Variants in SCGB2B2 observed in about 807,000 individuals in gnomAD.
The protein encoded by SCGB2B2 is secretoglobin family 2B member 2, also known as secretoglobin-like protein.
Under a neutral mutation model 7.6 loss-of-function variants are expected in SCGB2B2, and 11 were observed. The ratio of observed to expected loss-of-function variants is 1.45; its 90% CI spans 0.91 to 2.40. The LOEUF (loss-of-function observed/expected upper bound fraction) is 2.40, where lower values mean the gene tolerates loss of function less well. Among genes scored for constraint, SCGB2B2 ranks in the 30% most tolerant of loss-of-function variants. The pLI, the probability that SCGB2B2 is intolerant of heterozygous loss-of-function variation, is 0.00. For synonymous variants in SCGB2B2, 50 were observed against 48.6 expected, an observed-to-expected ratio of 1.03 and a Z score of -0.12; for missense variants, 104 against 115.4, an observed-to-expected ratio of 0.90 and a Z score of 0.45.
At chr19:34,586,451 C>T (rs1019298241), downstream of SCGB2B2, among the ~76,000 whole-genome samples, 3 of 152,184 alleles carry the variant, frequency 2.0e-5, no homozygotes, top group Admixed American at 1.3e-4. Flanking sequence ...CCTTCCTCCT[C>T]TCTAGGCAAC....
chr19:34,663,399 C>G (rs1186549781), intron 1 of SCGB2B2, among the ~76,000 whole-genome samples: 1 of 152,088 alleles, frequency 6.6e-6, no homozygotes. Flanking sequence ...ATAAAGACAG[C>G]AATGTGGATT....
chr19:34,643,758 C>T (rs891401903), intron 1 of SCGB2B2, among the ~76,000 whole-genome samples: 2 of 151,904 alleles, frequency 1.3e-5, no homozygotes, highest in South Asian at 2.1e-4. Context: ...GAACATTAGA[C>T]AATTTCTGTT....
intron 1 of SCGB2B2, among the ~76,000 whole-genome samples, chr19:34,617,167 G>C (rs2066106779): frequency 6.6e-6 from 1 of 152,130 alleles, no homozygotes; most frequent in African/African-American, 2.4e-5. Context: ...TGGCGATGTG[G>C]GCTCTTTTTT....
At chr19:34,651,100 C>G (rs980512404) in intron 1 of SCGB2B2, among the ~76,000 whole-genome samples, 2 of 151,162 alleles carry the variant, frequency 1.3e-5, no homozygotes, top group Non-Finnish European at 2.9e-5. Flanking sequence ...GGAATGTAGC[C>G]CAACACAGTA....
chr19:34,601,358 G>T (rs911030205), intron 1 of SCGB2B2, among the ~76,000 whole-genome samples: 2 of 152,174 alleles, frequency 1.3e-5, no homozygotes, highest in African/African-American at 4.8e-5. Context: ...GAGTGTCTTT[G>T]CTGGTTTTGG....
At chr19:34,612,037 T>TTTTTTTTTTTTTTTTTTTTTTTTTTTG (rs2065946113) in intron 1 of SCGB2B2, among the ~76,000 whole-genome samples, 1 of 90,134 alleles carries the variant, frequency 1.1e-5, no homozygotes, top group East Asian at 4.4e-4. Flanking sequence ...TTTTTTTTTT[T>TTTTTTTTTTTTTTTTTTTTTTTTTTTG]TTTTTTTTTT....
intron 1 of SCGB2B2, among the ~76,000 whole-genome samples, chr19:34,661,612 G>A (rs1023716832): frequency 9.2e-5 from 14 of 152,272 alleles, no homozygotes; most frequent in East Asian, 3.9e-4. Context: ...AGAGACCAGC[G>A]ACATGAAATA....
rs570221750 is a variant in SCGB2B2 at position 34,596,249 on chromosome 19, T to C, written c.-1686A>G. 1.7e-4 allele frequency: 26 copies of C among 152,412 alleles called. No individual in the cohort carries two copies. The highest frequency in any genetic ancestry group is 5.8e-4 in the African/African-American group (24 of 41,580). 9.4% of individuals were successfully genotyped at this position (152,412 alleles called of 1,614,324 possible). A position where few individuals can be genotyped will look rare whatever the true frequency, so the allele number is the denominator to read the frequency against. On this transcript the variant is annotated 5_prime_UTR_variant, in exon 2 of 4. Coordinates refer to ENST00000601241, the MANE Select transcript of SCGB2B2 (RefSeq NM_001025591.4). Reference sequence around the variant, plus strand: ...CTGGCAGACGCTGAAGCAGGGGCTGTGGCTGAGCAGGGAGGATGGAGGCCA... The same window carrying C: ...CTGGCAGACGCTGAAGCAGGGGCTGCGGCTGAGCAGGGAGGATGGAGGCCA...
intron 1 of SCGB2B2, among the ~76,000 whole-genome samples, chr19:34,618,422 G>A (rs1419995640): frequency 6.6e-6 from 1 of 152,166 alleles, no homozygotes; most frequent in Admixed American, 6.5e-5. Flanking sequence ...GTATCAGTGT[G>A]CTTTTATTTT....
At chr19:34,597,933 G>A (rs2065508015) in intron 1 of SCGB2B2, among the ~76,000 whole-genome samples, 1 of 152,064 alleles carries the variant, frequency 6.6e-6, no homozygotes, top group Non-Finnish European at 1.5e-5. Context: ...CAAGAGCCAT[G>A]TTAGGATAGA....
intron 1 of SCGB2B2, chr19:34,635,303 G>A (rs2066645273): frequency 2.4e-5 from 7 of 287,752 alleles, no homozygotes; most frequent in South Asian, 2.3e-4. Flanking sequence ...GGTGCTGAAT[G>A]AGTGTGTGTT....
intron 1 of SCGB2B2, among the ~76,000 whole-genome samples, chr19:34,663,909 G>C (rs893581811): frequency 6.6e-6 from 1 of 152,212 alleles, no homozygotes; most frequent in East Asian, 1.9e-4. Flanking sequence ...GAAGGAGGGA[G>C]TGTGAGCTGC....
chr19:34,629,674 G>A (rs1048102985), intron 1 of SCGB2B2, among the ~76,000 whole-genome samples: 24 of 151,992 alleles, frequency 1.6e-4, no homozygotes, highest in African/African-American at 5.3e-4. Flanking sequence ...AATCAATATC[G>A]TGAAAATGGG....
At chr19:34,649,647 G>C (rs996887649) in intron 1 of SCGB2B2, among the ~76,000 whole-genome samples, 2 of 152,042 alleles carry the variant, frequency 1.3e-5, no homozygotes, top group Admixed American at 6.6e-5. Flanking sequence ...TCAGGAGTTC[G>C]AGACCAGCCT....
In SCGB2B2 at chr19:34,598,411, G is replaced by A. The variant is rs139005224; in HGVS notation, c.-2031-1817C>T. On this transcript the variant is annotated intron_variant, in intron 1 of 3. Coordinates refer to ENST00000601241, the MANE Select transcript of SCGB2B2 (RefSeq NM_001025591.4). ...CCTTGTGACAGCCTCATGCCCTGGC[G>A]TCCTTGGGGCTGAGGATAGGGCTGG... is the stretch of plus-strand genomic sequence containing the variant. Among the ~76,000 whole-genome samples the A allele has an allele frequency of 1.2e-3, 177 of 152,080 alleles. 1 individual carries two copies. The highest frequency in any genetic ancestry group is 3.9e-3 in the African/African-American group (162 of 41,478).
At chr19:34,641,820 T>G (rs1321705834) in intron 1 of SCGB2B2, among the ~76,000 whole-genome samples, 1 of 152,166 alleles carries the variant, frequency 6.6e-6, no homozygotes, top group Non-Finnish European at 1.5e-5. Flanking sequence ...CTTTGACATA[T>G]TTTGAAGGGA....
intron 1 of SCGB2B2, chr19:34,646,553 C>T (rs1279587629): frequency 6.6e-6 from 1 of 152,402 alleles, no homozygotes; most frequent in African/African-American, 2.4e-5. Context: ...TTAAGGAGCT[C>T]CTCTGACCTC....
intron 1 of SCGB2B2, among the ~76,000 whole-genome samples, chr19:34,668,514 A>G (rs2067703759): frequency 6.6e-6 from 1 of 152,056 alleles, no homozygotes; most frequent in Non-Finnish European, 1.5e-5. Context: ...CGACCACCCA[A>G]GGGCTGAGGA....
At chr19:34,607,484 T>C (rs2065813759) in intron 1 of SCGB2B2, among the ~76,000 whole-genome samples, 1 of 152,268 alleles carries the variant, frequency 6.6e-6, no homozygotes, top group African/African-American at 2.4e-5. Flanking sequence ...GATTTCTGGA[T>C]CATACGGTAG....
Sources: gnomAD v4.1 joint callset for allele counts (sites outside exome capture counted in the v4.1 genomes callset) on GRCh38, gnomAD v4.1.1 for gene constraint, MANE v1.5 for transcripts, NCBI Gene and HGNC (gene_info 2026-07-23, HGNC 2026-07-21) for gene names.